MROH9: variants seen among roughly 807,000 people sequenced by gnomAD.
The protein encoded by MROH9 is maestro heat-like repeat-containing protein family member 9.
A neutral mutation model predicts 98.2 loss-of-function variants in MROH9; 92 were observed. The ratio of observed to expected loss-of-function variants is 0.94; its 90% CI spans 0.79 to 1.11. The LOEUF is 1.11. Ranked by LOEUF, MROH9 falls within the 50% of genes most tolerant of loss-of-function variation. The pLI is 0.00. For missense variants in MROH9, 1,057 were observed against 1,014.8 expected (o/e 1.04, Z -0.57); for synonymous variants, 397 against 368.9 (o/e 1.08, Z -0.87).
In MROH9 at chr1:171,004,554, G is replaced by A. The variant is rs1443960918; in HGVS notation, c.1596+6280G>A. 2.0e-5 allele frequency among the ~76,000 whole-genome samples: 3 copies of A among 152,202 alleles called. No homozygotes were observed. The East Asian group carries it at 5.8e-4, about 29-fold the overall frequency. On this transcript the variant is annotated intron_variant, in intron 15 of 21. Transcript: ENST00000367759. ...CAGTCAGGTTGTGTGTTTAGGAAAG[G>A]AGGGTCTCCCTTTCTCACTTCCGCG... is the stretch of plus-strand genomic sequence containing the variant.
chr1:170,978,291 C>T (rs1474587085), intron 8 of MROH9, among the ~76,000 whole-genome samples: 2 of 152,008 alleles, frequency 1.3e-5, no homozygotes, highest in African/African-American at 2.4e-5. Flanking sequence ...CAGGTGTAGC[C>T]CTCAGGCTCA....
intron 15 of MROH9, among the ~76,000 whole-genome samples, chr1:171,006,638 C>G (rs1442474370): frequency 1.3e-5 from 2 of 151,112 alleles, no homozygotes; most frequent in South Asian, 4.2e-4. Context: ...CCTTACATCC[C>G]TGTCTTTACT....
intron 20 of MROH9, among the ~76,000 whole-genome samples, chr1:171,051,531 T>C (rs1175905776): frequency 6.6e-6 from 1 of 152,016 alleles, no homozygotes; most frequent in African/African-American, 2.4e-5. Flanking sequence ...AAGTGGGAGC[T>C]GAACAATGAG....
At chr1:170,971,598 G>A in intron 7 of MROH9, 150 bp from the exon 8 acceptor site, 1 of 878,346 alleles carries the variant, frequency 1.1e-6, no homozygotes. Flanking sequence ...TTGAGAGTCA[G>A]TAACGGGGCC....
intron 1 of MROH9, among the ~76,000 whole-genome samples, chr1:170,937,777 C>G (rs1004558703): frequency 7.9e-4 from 121 of 152,242 alleles, no homozygotes; most frequent in African/African-American, 2.3e-3. Context: ...CCCGCCTCGG[C>G]CTCCCAAAGT....
chr1:170,943,797 G>GA (rs903758484), intron 1 of MROH9, among the ~76,000 whole-genome samples: 17 of 151,574 alleles, frequency 1.1e-4, no homozygotes, highest in African/African-American at 2.7e-4. Flanking sequence ...GTTTTAATGT[G>GA]AAAAAAAATC....
At chr1:171,054,651 A>T (rs935792852) in intron 20 of MROH9, among the ~76,000 whole-genome samples, 1 of 152,152 alleles carries the variant, frequency 6.6e-6, no homozygotes. Context: ...AAGGAACTCA[A>T]ATCAGCAAGA....
rs1340381420 is a variant in MROH9, at chr1:171,024,467, T to C, written c.1981T>C (p.Trp661Arg). The C allele has an allele frequency of 7.1e-6, 11 of 1,550,798 alleles. No homozygotes were observed. The East Asian group carries it at 2.4e-4, about 34-fold the overall frequency. Residue 661 changes from tryptophan (W) to arginine (R), a missense_variant, in exon 18 of 22, where the codon TGG becomes CGG. By Grantham distance (101) the Trp-to-Arg change is moderately radical. Transcript: ENST00000367759. ...QLVRDMRQYT[W>R]MVNDVVLEGL... ...AGTTAGGGATATGAGACAGTACACATGGATGGTGAATGATGTGGTTCTAGA... is the reference window on the plus strand; with the variant it reads ...AGTTAGGGATATGAGACAGTACACACGGATGGTGAATGATGTGGTTCTAGA...
chr1:171,028,626 C>A (rs998516781), intron 20 of MROH9, among the ~76,000 whole-genome samples: 3 of 152,148 alleles, frequency 2.0e-5, no homozygotes, highest in African/African-American at 7.2e-5. Context: ...GCAGTATGGC[C>A]ATTTTCACAA....
intron 15 of MROH9, among the ~76,000 whole-genome samples, chr1:171,009,649 G>A (rs909297256): frequency 6.6e-6 from 1 of 152,170 alleles, no homozygotes; most frequent in Non-Finnish European, 1.5e-5. Flanking sequence ...CTATTTCCAA[G>A]TTCTGAGTAA....
chr1:171,024,328 G>GTA lies in MROH9; in HGVS notation c.1909-66_1909-65insAT. 4 of 1,102,658 alleles carry GTA rather than the reference G, an allele frequency of 3.6e-6. No individual in the cohort carries two copies. In the South Asian group the frequency reaches 5.5e-5, roughly 15 times the overall value. 68.3% of individuals were successfully genotyped at this position (1,102,658 alleles called of 1,614,324 possible). Reference sequence around the variant, plus strand: ...GGTGTGTGTGTGTGTGTGTGTGTGTGTGTAGATTACTGATTGAAGAAAAAA... The same window carrying GTA: ...GGTGTGTGTGTGTGTGTGTGTGTGTGTATGTAGATTACTGATTGAAGAAAAAA... On this transcript the variant is annotated intron_variant, in intron 17 of 21. Coordinates refer to ENST00000367759, the MANE Select transcript of MROH9 (RefSeq NM_001163629.2).
At chr1:171,063,514 A>G (rs1018650624) in intron 21 of MROH9, among the ~76,000 whole-genome samples, 2 of 152,102 alleles carry the variant, frequency 1.3e-5, no homozygotes, top group African/African-American at 4.8e-5. Flanking sequence ...GGTCTCCCGA[A>G]GTGCTGGGAT....
chr1:170,936,485 C>A (rs192731097), intron 1 of MROH9, among the ~76,000 whole-genome samples: 80 of 152,288 alleles, frequency 5.3e-4, no homozygotes, highest in Middle Eastern at 3.4e-3. Context: ...CATCTCCTAT[C>A]ATCAGAACAC....
chr1:171,047,993 T>C (rs1653518804), intron 20 of MROH9, among the ~76,000 whole-genome samples: 1 of 152,204 alleles, frequency 6.6e-6, no homozygotes, highest in South Asian at 2.1e-4. Context: ...CCTTACTTTT[T>C]GCCAAACAAA....
intron 8 of MROH9, among the ~76,000 whole-genome samples, chr1:170,982,800 T>A (rs1650985870): frequency 1.3e-5 from 2 of 152,018 alleles, no homozygotes; most frequent in African/African-American, 4.8e-5. Flanking sequence ...GAGGCTGAGG[T>A]GAGAAGATCA....
At chr1:170,963,299 G>C (rs1445443169) in intron 6 of MROH9, among the ~76,000 whole-genome samples, 1 of 152,110 alleles carries the variant, frequency 6.6e-6, no homozygotes, top group African/African-American at 2.4e-5. Flanking sequence ...CCACCAGTCA[G>C]AATGACTATT....
At chr1:170,980,853 T>C (rs1410803545) in intron 8 of MROH9, among the ~76,000 whole-genome samples, 1 of 152,034 alleles carries the variant, frequency 6.6e-6, no homozygotes, top group Non-Finnish European at 1.5e-5. Flanking sequence ...TGGGAGAAAA[T>C]GTTTGCAATC....
Position 170,959,583 on chromosome 1 carries a change from A to G in MROH9, c.274A>G (p.Ile92Val). ...AGAAATGGGGAGCAGTTATGAGTAC[A>G]TTGAGGACATGGAGGTAAAATTTTT... ...VKEMGSSYEY[I>V]EDMENLYHNI... Residue 92 changes from isoleucine (I) to valine (V), a missense_variant, in exon 5 of 22, where the codon ATT becomes GTT. Coordinates refer to ENST00000367759, the MANE Select transcript of MROH9 (RefSeq NM_001163629.2). 5 of 1,612,596 alleles carry G rather than the reference A, an allele frequency of 3.1e-6. No individual in the cohort carries two copies. The highest frequency in any genetic ancestry group is 3.4e-6 in the Non-Finnish European group (4 of 1,179,518).
At chr1:171,000,387 G>A (rs1324166217) in intron 15 of MROH9, among the ~76,000 whole-genome samples, 1 of 151,942 alleles carries the variant, frequency 6.6e-6, no homozygotes, top group African/African-American at 2.4e-5. Context: ...TTCATAGATG[G>A]CTTTTATTAC....
Sources: gnomAD v4.1 joint callset for allele counts (sites outside exome capture counted in the v4.1 genomes callset) on GRCh38, gnomAD v4.1.1 for gene constraint, MANE v1.5 for transcripts, NCBI Gene and HGNC (gene_info 2026-07-23, HGNC 2026-07-21) for gene names.